The following MPPED2 variants were observed in gnomAD, a reference collection of about 807,000 sequenced individuals.
MPPED2 encodes the protein metallophosphoesterase domain containing 2.
In MPPED2, 5 loss-of-function variants were observed where a neutral mutation model predicts 33.0. That is an observed-to-expected ratio of 0.15 (90% CI 0.08 to 0.32). The LOEUF is 0.32. MPPED2 is among the 10% of genes least tolerant of loss of function. MPPED2 has a pLI of 1.00. For missense variants in MPPED2, 275 were observed against 372.1 expected (o/e 0.74, Z 2.15); for synonymous variants, 136 against 141.9 (o/e 0.96, Z 0.29).
At chr11:30,535,785 A>C (rs1054719522) in intron 3 of MPPED2, among the ~76,000 whole-genome samples, 2 of 152,180 alleles carry the variant, frequency 1.3e-5, no homozygotes, top group African/African-American at 4.8e-5. Flanking sequence ...AGAGCCACCA[A>C]GGCCAGGCAC....
intron 4 of MPPED2, among the ~76,000 whole-genome samples, chr11:30,494,757 A>AAAAAAAAAAAAAAAAAAAAAAAAG (rs768924251): frequency 1.7e-5 from 2 of 120,888 alleles, no homozygotes; most frequent in Non-Finnish European, 3.1e-5. Context: ...AAAAAAAAAA[A>AAAAAAAAAAAAAAAAAAAAAAAAG]AAAGAAAGAA....
chr11:30,387,137 C>T (rs1287591873), exon 7 of MPPED2: 2 of 181,970 alleles, frequency 1.1e-5, no homozygotes, highest in African/African-American at 4.7e-5. Flanking sequence ...GCATCTAAGC[C>T]ACTCTCTCAT....
At chr11:30,444,326 G>A (rs1949708097) in intron 4 of MPPED2, among the ~76,000 whole-genome samples, 1 of 152,076 alleles carries the variant, frequency 6.6e-6, no homozygotes, top group African/African-American at 2.4e-5. Context: ...AAATTGTTTT[G>A]CTTGTCTCAC....
chr11:30,496,856 A>C (rs1219637201), intron 3 of MPPED2, among the ~76,000 whole-genome samples: 1 of 150,012 alleles, frequency 6.7e-6, no homozygotes, highest in East Asian at 2.1e-4. Flanking sequence ...AGCAGTTTTT[A>C]AGACTGCCAA....
intron 6 of MPPED2, among the ~76,000 whole-genome samples, chr11:30,394,253 TGAACATGAGTC>T (rs1383723873): frequency 3.3e-5 from 5 of 152,216 alleles, no homozygotes; most frequent in African/African-American, 1.2e-4. Flanking sequence ...GGTTTTTGAG[TGAACATGAGTC>T]ATCATCTCTC....
intron 2 of MPPED2, among the ~76,000 whole-genome samples, chr11:30,553,328 C>A (rs917268461): frequency 2.0e-5 from 3 of 152,184 alleles, no homozygotes; most frequent in Non-Finnish European, 2.9e-5. Context: ...TAGACTGTAA[C>A]ACTGAAATCA....
chr11:30,457,841 C>T (rs1950343723), intron 4 of MPPED2, among the ~76,000 whole-genome samples: 1 of 152,172 alleles, frequency 6.6e-6, no homozygotes, highest in Non-Finnish European at 1.5e-5. Flanking sequence ...CAAACTCATA[C>T]GTGAGTCTCC....
At chr11:30,580,076 CA>C (rs1326094970) in intron 2 of MPPED2, among the ~76,000 whole-genome samples, 169 bp downstream of exon 2, 1 of 152,198 alleles carries the variant, frequency 6.6e-6, no homozygotes, top group South Asian at 2.1e-4. Flanking sequence ...AAATGTTACA[CA>C]GATGTATGGG....
Position 30,431,232 on chromosome 11 carries a change from A to T in MPPED2, c.537-13599T>A, listed in dbSNP as rs936569062. Among the ~76,000 whole-genome samples, 7 of 152,306 alleles carry T rather than the reference A, an allele frequency of 4.6e-5. No homozygotes were observed. The East Asian group carries it at 1.4e-3, about 29-fold the overall frequency. ...ACTAGAGACCAGCCTCTGTCTCTAC[A>T]TTGAGCCTCTGGCACACAGCGTGTG... On this transcript the variant is annotated intron_variant, in intron 4 of 6. Coordinates refer to ENST00000358117, the MANE Select transcript of MPPED2 (RefSeq NM_001584.3).
At chr11:30,387,814 A>C (rs115329325) in exon 7 of MPPED2, 5 of 152,466 alleles carry the variant, frequency 3.3e-5, no homozygotes, top group African/African-American at 1.2e-4. Flanking sequence ...CCACACTGTG[A>C]CAGTGACAGC....
In MPPED2 at chr11:30,459,072, C is replaced by T. The variant is rs1241638285; in HGVS notation, c.536+36224G>A. 2.7e-5 allele frequency among the ~76,000 whole-genome samples: 4 copies of T among 150,656 alleles called. No homozygotes were observed. In the East Asian group the frequency reaches 7.7e-4, roughly 29 times the overall value. Reference sequence around the variant, plus strand: ...TCCCAAGTAGCTGGGACTACAGGCGCCCGCCACTACGCCCGGCTAATTTTT... The same window carrying T: ...TCCCAAGTAGCTGGGACTACAGGCGTCCGCCACTACGCCCGGCTAATTTTT... On this transcript the variant is annotated intron_variant, in intron 4 of 6. Coordinates refer to ENST00000358117, the MANE Select transcript of MPPED2 (RefSeq NM_001584.3).
chr11:30,433,085 G>A (rs550276258), intron 4 of MPPED2, among the ~76,000 whole-genome samples: 1 of 152,288 alleles, frequency 6.6e-6, no homozygotes, highest in South Asian at 2.1e-4. Context: ...TTGGAGAGAG[G>A]TGAACCAAGG....
chr11:30,421,444 T>C (rs1338099456), intron 4 of MPPED2, among the ~76,000 whole-genome samples: 1 of 151,430 alleles, frequency 6.6e-6, no homozygotes, highest in Non-Finnish European at 1.5e-5. Context: ...GATCCATATG[T>C]GTATGAGAAG....
intron 4 of MPPED2, among the ~76,000 whole-genome samples, chr11:30,462,033 G>C (rs1432946691): frequency 6.6e-6 from 1 of 152,162 alleles, no homozygotes; most frequent in Non-Finnish European, 1.5e-5. Context: ...CAGAGGCCTG[G>C]GATATGGGTG....
At chr11:30,559,317 T>C (rs1956132733) in intron 2 of MPPED2, among the ~76,000 whole-genome samples, 1 of 152,190 alleles carries the variant, frequency 6.6e-6, no homozygotes, top group African/African-American at 2.4e-5. Flanking sequence ...CTTTACAACT[T>C]TTATTAATAA....
intron 4 of MPPED2, among the ~76,000 whole-genome samples, chr11:30,420,202 A>AGAGGG (rs1948550978): frequency 6.6e-6 from 1 of 152,166 alleles, no homozygotes; most frequent in Non-Finnish European, 1.5e-5. Flanking sequence ...AGGGTCCCTA[A>AGAGGG]AACTGGAAGA....
At chr11:30,548,559 A>T (rs1020434976) in intron 2 of MPPED2, among the ~76,000 whole-genome samples, 5 of 152,166 alleles carry the variant, frequency 3.3e-5, no homozygotes, top group African/African-American at 1.2e-4. Context: ...TGCATATCGA[A>T]TGCTCAGTAA....
At chr11:30,399,509 G>A (rs540375817) in intron 6 of MPPED2, among the ~76,000 whole-genome samples, 6 of 152,288 alleles carry the variant, frequency 3.9e-5, no homozygotes, top group African/African-American at 1.4e-4. Flanking sequence ...ATCACACAGA[G>A]TAGAACGTAA....
At chr11:30,464,268 AAC>A (rs10660237) in intron 4 of MPPED2, among the ~76,000 whole-genome samples, 5,133 of 145,896 alleles carry the variant, frequency 0.035, 119 homozygotes, top group Admixed American at 0.076. Flanking sequence ...AAAGGATACT[AAC>A]ACACACACAC....
Sources: gnomAD v4.1 joint callset for allele counts (sites outside exome capture counted in the v4.1 genomes callset) on GRCh38, gnomAD v4.1.1 for gene constraint, MANE v1.5 for transcripts, NCBI Gene and HGNC (gene_info 2026-07-23, HGNC 2026-07-21) for gene names.